ZBTB20: variants seen among roughly 807,000 people sequenced by gnomAD.
ZBTB20 encodes zinc finger and BTB domain containing 20.
A neutral mutation model predicts 56.9 loss-of-function variants in ZBTB20; 9 were observed. The observed-to-expected ratio is 0.16, with a 90% CI of 0.10 to 0.28. ZBTB20 has a LOEUF of 0.28. Among genes scored for constraint, ZBTB20 ranks in the 10% least tolerant of loss-of-function variants. The pLI, the probability that ZBTB20 is intolerant of heterozygous loss-of-function variation, is 1.00. For missense variants in ZBTB20, 655 were observed against 1,003.0 expected, an observed-to-expected ratio of 0.65 and a Z score of 4.69; for synonymous variants, 417 against 420.7, an observed-to-expected ratio of 0.99 and a Z score of 0.11.
Position 115,026,064 on chromosome 3 carries a change from T to C in ZBTB20, c.-507+45155A>G, listed in dbSNP as rs1046766714. Among the ~76,000 whole-genome samples, 3 of 151,070 alleles carry C rather than the reference T, an allele frequency of 2.0e-5. No homozygotes were observed. The East Asian group carries it at 5.8e-4, about 29-fold the overall frequency. ...TGATGCAAATGTGAAGTCAGGTATA[T>C]GTCTACACATCTAACAACATTTAAT... On this transcript the variant is annotated intron_variant, in intron 2 of 11. Transcript: ENST00000675478.
intron 7 of ZBTB20, among the ~76,000 whole-genome samples, chr3:114,465,639 G>A (rs1019957759): frequency 2.0e-5 from 3 of 151,692 alleles, no homozygotes; most frequent in Non-Finnish European, 2.9e-5. Context: ...CCCAGGAGCC[G>A]GAGGTTGCAG....
intron 7 of ZBTB20, among the ~76,000 whole-genome samples, chr3:114,463,560 A>AT (rs1336354264): frequency 3.3e-5 from 5 of 152,224 alleles, no homozygotes; most frequent in African/African-American, 1.2e-4. Context: ...ATTCAGTACT[A>AT]TAACACTGAA....
intron 7 of ZBTB20, among the ~76,000 whole-genome samples, chr3:114,495,996 T>C (rs752436377): frequency 6.6e-6 from 1 of 152,186 alleles, no homozygotes; most frequent in African/African-American, 2.4e-5. Flanking sequence ...GTCGAAATCA[T>C]AGTCATTGTC....
At chr3:114,776,023 A>G (rs920692436) in intron 5 of ZBTB20, among the ~76,000 whole-genome samples, 4 of 104,988 alleles carry the variant, frequency 3.8e-5, no homozygotes, top group Admixed American at 1.4e-4. Flanking sequence ...TACTCCTCCA[A>G]TTTTTTTTCT....
At chr3:114,429,814 T>C (rs1002760000) in intron 7 of ZBTB20, among the ~76,000 whole-genome samples, 4 of 152,206 alleles carry the variant, frequency 2.6e-5, no homozygotes, top group Admixed American at 1.3e-4. Flanking sequence ...TTAGGTATTA[T>C]AAGTAATTTA....
intron 11 of ZBTB20, among the ~76,000 whole-genome samples, chr3:114,345,029 A>C (rs10804513): frequency 0.53 from 80,833 of 151,982 alleles, 21,997 homozygotes; most frequent in East Asian, 0.86. Flanking sequence ...AATATATTCT[A>C]TAGCAAATAA....
intron 7 of ZBTB20, among the ~76,000 whole-genome samples, chr3:114,488,894 G>C (rs756589665): frequency 6.6e-6 from 1 of 152,036 alleles, no homozygotes; most frequent in Non-Finnish European, 1.5e-5. Flanking sequence ...AGATAATGTA[G>C]ATCTATATTT....
At chr3:115,108,682 T>C (rs1331155175) in intron 1 of ZBTB20, among the ~76,000 whole-genome samples, 3 of 152,226 alleles carry the variant, frequency 2.0e-5, no homozygotes, top group Non-Finnish European at 4.4e-5. Flanking sequence ...CCATATACTG[T>C]AGCCTTTATA....
intron 7 of ZBTB20, among the ~76,000 whole-genome samples, chr3:114,437,621 T>A (rs1326494711): frequency 6.6e-6 from 1 of 152,148 alleles, no homozygotes; most frequent in East Asian, 1.9e-4. Flanking sequence ...AAGTATTTTA[T>A]AGGGTTGAAG....
chr3:114,877,462 C>T (rs1345444122), intron 4 of ZBTB20, among the ~76,000 whole-genome samples: 1 of 152,128 alleles, frequency 6.6e-6, no homozygotes, highest in Non-Finnish European at 1.5e-5. Context: ...GAAAGGAACC[C>T]AAATAAGCAG....
chr3:114,425,068 T>C (rs138313361), intron 7 of ZBTB20, among the ~76,000 whole-genome samples: 1 of 150,102 alleles, frequency 6.7e-6, no homozygotes, highest in East Asian at 1.9e-4. Context: ...AATGCCCTCT[T>C]ATGCACGTGA....
At chr3:114,367,988 G>A (rs150343267) in intron 10 of ZBTB20, among the ~76,000 whole-genome samples, 32 of 152,228 alleles carry the variant, frequency 2.1e-4, no homozygotes, top group African/African-American at 6.5e-4. Flanking sequence ...AAAGGATGGG[G>A]ACCTGCAACA....
At chr3:115,132,033 C>T (rs1191761507) in intron 1 of ZBTB20, among the ~76,000 whole-genome samples, 6 of 151,900 alleles carry the variant, frequency 3.9e-5, no homozygotes, top group Admixed American at 3.3e-4. Context: ...ACCATTTAAT[C>T]TTCCAAGTAG....
intron 6 of ZBTB20, among the ~76,000 whole-genome samples, chr3:114,586,225 T>C (rs1458524729): frequency 6.6e-6 from 1 of 152,166 alleles, no homozygotes; most frequent in African/African-American, 2.4e-5. Flanking sequence ...ACAAAAGCAC[T>C]CTTGAGTTGT....
At chr3:115,090,114 T>C (rs1485642662) in intron 1 of ZBTB20, among the ~76,000 whole-genome samples, 1 of 151,740 alleles carries the variant, frequency 6.6e-6, no homozygotes, top group African/African-American at 2.4e-5. Flanking sequence ...TATGTGGGAG[T>C]AGAACCTAGG....
At chr3:114,842,995 G>T (rs1329107430) in intron 4 of ZBTB20, among the ~76,000 whole-genome samples, 1 of 152,056 alleles carries the variant, frequency 6.6e-6, no homozygotes, top group Non-Finnish European at 1.5e-5. Context: ...AGTAAGTGAG[G>T]TCTCATAAGA....
chr3:114,983,825 G>A (rs543367925), intron 2 of ZBTB20, among the ~76,000 whole-genome samples: 8 of 151,950 alleles, frequency 5.3e-5, no homozygotes, highest in Admixed American at 3.9e-4. Context: ...TTTTCCATAC[G>A]TTTGTTATAG....
At chr3:114,541,083 T>A (rs1462681094) in intron 6 of ZBTB20, among the ~76,000 whole-genome samples, 1 of 152,130 alleles carries the variant, frequency 6.6e-6, no homozygotes, top group African/African-American at 2.4e-5. Context: ...TTAATATTAA[T>A]CTCTAGAATC....
intron 2 of ZBTB20, among the ~76,000 whole-genome samples, chr3:115,053,804 AGAT>A (rs2081645022): frequency 6.6e-6 from 1 of 152,126 alleles, no homozygotes; most frequent in African/African-American, 2.4e-5. Flanking sequence ...AGGAGATGTA[AGAT>A]GATAATATCC....
Sources: gnomAD v4.1 joint callset for allele counts (sites outside exome capture counted in the v4.1 genomes callset) on GRCh38, gnomAD v4.1.1 for gene constraint, MANE v1.5 for transcripts, NCBI Gene and HGNC (gene_info 2026-07-23, HGNC 2026-07-21) for gene names.